Variants in TM9SF2 observed in about 807,000 individuals in gnomAD.
The protein encoded by TM9SF2 is 76 kDa membrane protein.
Under a neutral mutation model 84.9 loss-of-function variants are expected in TM9SF2, and 13 were observed. The ratio of observed to expected loss-of-function variants is 0.15; its 90% CI spans 0.10 to 0.24. The LOEUF (loss-of-function observed/expected upper bound fraction) is 0.24. Ranked by LOEUF, TM9SF2 falls within the 10% of genes least tolerant of loss-of-function variation. TM9SF2 has a pLI of 1.00. For missense variants in TM9SF2, 562 were observed against 818.5 expected (o/e 0.69, Z 3.82); for synonymous variants, 273 against 285.8 (o/e 0.96, Z 0.45).
intron 1 of TM9SF2, among the ~76,000 whole-genome samples, chr13:99,502,477 A>G (rs1409895413): frequency 6.6e-6 from 1 of 152,250 alleles, no homozygotes; most frequent in East Asian, 1.9e-4. Context: ...ACGAGGTCTC[A>G]CTATTTTCTC....
intron 10 of TM9SF2, 56 bp from the exon 11 acceptor site, chr13:99,546,929 C>G (rs1354904738): frequency 6.2e-7 from 1 of 1,601,502 alleles, no homozygotes; most frequent in Non-Finnish European, 8.5e-7. Context: ...TCTATCATTT[C>G]ACAGCAAAGG....
intron 16 of TM9SF2, among the ~76,000 whole-genome samples, chr13:99,562,219 G>A (rs2139117182): frequency 6.6e-6 from 1 of 152,178 alleles, no homozygotes; most frequent in African/African-American, 2.4e-5. Context: ...TTAACATTTT[G>A]TAAAAACTTA....
intron 1 of TM9SF2, among the ~76,000 whole-genome samples, chr13:99,515,058 A>G (rs1265309548): frequency 1.3e-5 from 2 of 152,182 alleles, no homozygotes; most frequent in African/African-American, 4.8e-5. Flanking sequence ...CTTCTTAATC[A>G]TTTCGTGCTG....
chr13:99,544,428 C>G (rs1298496578), intron 10 of TM9SF2, among the ~76,000 whole-genome samples: 1 of 151,994 alleles, frequency 6.6e-6, no homozygotes, highest in Non-Finnish European at 1.5e-5. Flanking sequence ...TTCTCAAAAT[C>G]TAAGTGACTT....
At position 99,555,672 on chromosome 13, in the gene TM9SF2, T is replaced by C. The variant is rs371970566; in HGVS notation, c.1752+25T>C. 1.2e-5 allele frequency: 19 copies of C among 1,524,232 alleles called. 1 individual carries two copies. Among genetic ancestry groups the C allele is most frequent in the East Asian group, 6.8e-5 (3 of 44,236 alleles). The allele number at this position is 1,524,232 out of a possible 1,614,324, so 94.4% of individuals were successfully genotyped here. On this transcript the variant is annotated intron_variant, in intron 15 of 16. Coordinates refer to ENST00000376387, the MANE Select transcript of TM9SF2 (RefSeq NM_004800.3). ...GGTATGTATTAGCAGTATTCACTTA[T>C]GTTAATTTGTAGACAGTAACTTTGG...
At position 99,562,827 on chromosome 13, in the gene TM9SF2, G is replaced by A. The variant is rs1023439162; in HGVS notation, c.*69G>A. On this transcript the variant is annotated 3_prime_UTR_variant, in exon 17 of 17. Coordinates refer to ENST00000376387, the MANE Select transcript of TM9SF2 (RefSeq NM_004800.3). ...TTCATCAACAAAGACCTGTTTTTGT[G>A]ACTGCCTTGAGTTTTATCAGAATTA... 6 of 1,462,360 alleles carry A rather than the reference G, an allele frequency of 4.1e-6. No individual in the cohort carries two copies. Among genetic ancestry groups the A allele is most frequent in the Admixed American group, 1.8e-5 (1 of 54,990 alleles). The allele number at this position is 1,462,360 out of a possible 1,614,324, so 90.6% of individuals were successfully genotyped here.
At chr13:99,521,574 C>T (rs887277217) in intron 3 of TM9SF2, among the ~76,000 whole-genome samples, 2 of 152,152 alleles carry the variant, frequency 1.3e-5, no homozygotes, top group African/African-American at 2.4e-5. Flanking sequence ...TCTCACCAAC[C>T]GTCTTACTCC....
intron 4 of TM9SF2, among the ~76,000 whole-genome samples, chr13:99,531,809 T>C (rs941702132): frequency 5.3e-5 from 8 of 152,208 alleles, no homozygotes; most frequent in African/African-American, 1.9e-4. Flanking sequence ...TCCCCTAAAC[T>C]ACCATAGAAA....
At chr13:99,558,736 GT>G (rs2046333746) in intron 15 of TM9SF2, among the ~76,000 whole-genome samples, 2 of 152,126 alleles carry the variant, frequency 1.3e-5, no homozygotes, top group Non-Finnish European at 2.9e-5. Flanking sequence ...GTGTGTGTGT[GT>G]GTGTATGTGT....
intron 1 of TM9SF2, among the ~76,000 whole-genome samples, chr13:99,511,142 T>C (rs1473272969): frequency 6.6e-6 from 1 of 152,246 alleles, no homozygotes. Flanking sequence ...TACTCTCAAC[T>C]TCAAAGCCCT....
intron 4 of TM9SF2, among the ~76,000 whole-genome samples, chr13:99,530,862 A>ATT (rs879431434): frequency 6.9e-6 from 1 of 144,950 alleles, no homozygotes; most frequent in Non-Finnish European, 1.5e-5. Context: ...CAAACATAGA[A>ATT]TTTTTTTTTT....
chr13:99,531,134 T>G (rs2046207127), intron 4 of TM9SF2, among the ~76,000 whole-genome samples: 1 of 152,152 alleles, frequency 6.6e-6, no homozygotes, highest in Admixed American at 6.5e-5. Context: ...GTGCTGGAAT[T>G]ATAGGTGTGA....
Position 99,543,938 on chromosome 13 carries a change from C to T in TM9SF2, c.1093C>T (p.Leu365=). ...IFRPPRKGML[L]SVFLGSGTQI... is the part of the protein sequence containing the mutation. ...CCGTCCTCCAAGAAAAGGGATGCTG[C>T]TATCAGTCTTTCTAGGATCCGGGAC... The change falls in exon 10 of 17, where the codon CTA becomes TTA. Residue 365 remains leucine, a synonymous_variant. Coordinates refer to ENST00000376387, the MANE Select transcript of TM9SF2 (RefSeq NM_004800.3). 6.2e-7 allele frequency: 1 copy of T among 1,614,150 alleles called. No individual in the cohort carries two copies. The highest frequency in any genetic ancestry group is 8.5e-7 in the Non-Finnish European group (1 of 1,180,006).
rs1428287906 is a variant in TM9SF2 at position 99,541,549 on chromosome 13, A to C, written c.909-10A>C. 6.3e-7 allele frequency: 1 copy of C among 1,596,218 alleles called. No individual in the cohort carries two copies. The highest frequency in any genetic ancestry group is 8.6e-7 in the Non-Finnish European group (1 of 1,166,140). On this transcript the variant is annotated splice_polypyrimidine_tract_variant and intron_variant, in intron 8 of 16. Transcript: ENST00000376387. ...GCTACAGATTACTCATGATGTGCTT[A>C]TTTCTACAGCATTATGAATTCCCTG...
chr13:99,501,764 G>A lies in TM9SF2; in HGVS notation c.158G>A (p.Ser53Asn). The A allele has an allele frequency of 1.2e-6, 2 of 1,611,144 alleles. No homozygotes were observed. The highest frequency in any genetic ancestry group is 1.7e-6 in the Non-Finnish European group (2 of 1,179,434). The change falls in exon 1 of 17, where the codon AGC (serine) becomes AAC (asparagine). Residue 53 changes from serine to asparagine, a missense_variant. By Grantham distance (46) the Ser-to-Asn change is conservative. Transcript: ENST00000376387. Reference sequence around the variant, plus strand: ...AACTTCTGCGACGAAGAAAAAAAGAGCGACGAGTGCAAGGTGGGTGAGGCC... The same window carrying A: ...AACTTCTGCGACGAAGAAAAAAAGAACGACGAGTGCAAGGTGGGTGAGGCC... ...PVNFCDEEKK[S>N]DECKAEIELF...
At chr13:99,524,667 G>A (rs1308608466) in intron 3 of TM9SF2, among the ~76,000 whole-genome samples, 3 of 151,710 alleles carry the variant, frequency 2.0e-5, no homozygotes, top group Non-Finnish European at 2.9e-5. Context: ...GACAAGATTC[G>A]AAGAGGCACA....
At chr13:99,527,209 G>A (rs898393797) in intron 3 of TM9SF2, among the ~76,000 whole-genome samples, 1 of 152,176 alleles carries the variant, frequency 6.6e-6, no homozygotes, top group African/African-American at 2.4e-5. Context: ...TCAGAGGGTA[G>A]AGGGCATAAT....
intron 15 of TM9SF2, among the ~76,000 whole-genome samples, chr13:99,556,996 A>T (rs2046327372): frequency 6.6e-6 from 1 of 152,194 alleles, no homozygotes. Flanking sequence ...TGCTGTGAAC[A>T]TTCATGTACA....
At chr13:99,543,683 G>A (rs2046270307) in intron 9 of TM9SF2, among the ~76,000 whole-genome samples, 180 bp from the exon 10 acceptor site, 1 of 152,138 alleles carries the variant, frequency 6.6e-6, no homozygotes, top group Admixed American at 6.5e-5. Context: ...AGACAGTTCA[G>A]CAAAGCCATA....
Sources: allele counts gnomAD v4.1 joint callset (sites outside exome capture counted in the v4.1 genomes callset), GRCh38; gene constraint gnomAD v4.1.1; transcripts MANE v1.5; gene names NCBI Gene and HGNC (gene_info 2026-07-23, HGNC 2026-07-21).